NAALADL2: variants seen among roughly 807,000 people sequenced by gnomAD.
NAALADL2 encodes the protein N-acetylated alpha-linked acidic dipeptidase like 2, also known as inactive N-acetylated-alpha-linked acidic dipeptidase-like protein 2.
In NAALADL2, 76 loss-of-function variants were observed where a neutral mutation model predicts 87.2. That is an observed-to-expected ratio of 0.87 (90% CI 0.72 to 1.05). The LOEUF (loss-of-function observed/expected upper bound fraction) is 1.05. NAALADL2 is among the 50% of genes least tolerant of loss of function. The pLI is 0.00. For synonymous variants in NAALADL2, 354 were observed against 331.0 expected (o/e 1.07, Z -0.75); for missense variants, 1,089 against 945.8 (o/e 1.15, Z -1.99).
chr3:175,283,251 G>GGTC (rs1754550255), intron 4 of NAALADL2, among the ~76,000 whole-genome samples: 1 of 152,088 alleles, frequency 6.6e-6, no homozygotes, highest in African/African-American at 2.4e-5. Context: ...TTTACCGAGT[G>GGTC]ACCAGGTAGG....
At chr3:175,177,366 A>G (rs540658804) in intron 2 of NAALADL2, among the ~76,000 whole-genome samples, 1 of 152,174 alleles carries the variant, frequency 6.6e-6, no homozygotes, top group South Asian at 2.1e-4. Context: ...CTATCCTACT[A>G]TTAAAGTCAT....
At chr3:175,301,424 T>G (rs1339424440) in intron 4 of NAALADL2, among the ~76,000 whole-genome samples, 2 of 152,148 alleles carry the variant, frequency 1.3e-5, no homozygotes, top group Admixed American at 1.3e-4. Context: ...TAAAGTATAA[T>G]AAATAAATAA....
intron 1 of NAALADL2, among the ~76,000 whole-genome samples, chr3:174,937,880 C>A (rs982853684): frequency 9.9e-5 from 15 of 151,992 alleles, no homozygotes; most frequent in African/African-American, 3.6e-4. Flanking sequence ...TATAGATATA[C>A]CCTCCTCTTT....
At chr3:175,155,418 C>A (rs139461447) in intron 2 of NAALADL2, among the ~76,000 whole-genome samples, 1 of 152,110 alleles carries the variant, frequency 6.6e-6, no homozygotes, top group East Asian at 1.9e-4. Flanking sequence ...CAAAAACCAA[C>A]CTGGCTAGCA....
intron 11 of NAALADL2, among the ~76,000 whole-genome samples, chr3:175,661,517 C>T (rs926095915): frequency 3.3e-5 from 5 of 151,820 alleles, no homozygotes; most frequent in Non-Finnish European, 2.9e-5. Context: ...TTAATGTAAT[C>T]CCATTTGTTT....
chr3:174,806,322 G>T (rs1027020379), intron 3 of NAALADL2, among the ~76,000 whole-genome samples: 1 of 152,214 alleles, frequency 6.6e-6, no homozygotes, highest in African/African-American at 2.4e-5. Flanking sequence ...TCTGGAGCTA[G>T]AATGGCACTT....
intron 2 of NAALADL2, among the ~76,000 whole-genome samples, chr3:174,680,145 A>T (rs1727403023): frequency 1.5e-5 from 1 of 68,770 alleles, no homozygotes; most frequent in Non-Finnish European, 2.7e-5. Flanking sequence ...AATTTCTTTG[A>T]CAATTTCTCA....
chr3:174,848,845 T>C (rs1724925571), intron 3 of NAALADL2, among the ~76,000 whole-genome samples: 1 of 152,210 alleles, frequency 6.6e-6, no homozygotes, highest in Non-Finnish European at 1.5e-5. Flanking sequence ...ATAGAGGTTA[T>C]AGCTTACTGC....
intron 1 of NAALADL2, among the ~76,000 whole-genome samples, chr3:174,520,805 G>A (rs571081923): frequency 2.0e-5 from 3 of 152,200 alleles, no homozygotes; most frequent in African/African-American, 7.2e-5. Context: ...AGCAAATTAT[G>A]CCACCAACAA....
chr3:175,535,259 G>A (rs1288705657), intron 9 of NAALADL2, among the ~76,000 whole-genome samples: 1 of 152,116 alleles, frequency 6.6e-6, no homozygotes, highest in African/African-American at 2.4e-5. Context: ...AACATTTGTT[G>A]GATAAAAAAG....
intron 1 of NAALADL2, among the ~76,000 whole-genome samples, chr3:174,510,689 A>G (rs1052379545): frequency 6.6e-6 from 1 of 151,114 alleles, no homozygotes; most frequent in Non-Finnish European, 1.5e-5. Context: ...TCCATTTTCT[A>G]TTTCATAGAT....
At chr3:175,464,423 CA>C (rs11299560) in intron 7 of NAALADL2, among the ~76,000 whole-genome samples, 19,578 of 97,060 alleles carry the variant, frequency 0.2, 1,865 homozygotes, top group African/African-American at 0.36. Context: ...GACTCCATCT[CA>C]AAAAAAAAAA....
chr3:174,665,959 C>T (rs1048418153), intron 2 of NAALADL2, among the ~76,000 whole-genome samples: 3 of 152,142 alleles, frequency 2.0e-5, no homozygotes, highest in African/African-American at 7.2e-5. Flanking sequence ...CTTATAAGGA[C>T]AACAGTCATT....
At chr3:175,191,062 A>C (rs1318824592) in intron 2 of NAALADL2, among the ~76,000 whole-genome samples, 1 of 152,214 alleles carries the variant, frequency 6.6e-6, no homozygotes, top group South Asian at 2.1e-4. Context: ...TAACACAAGA[A>C]CTATGGTTAA....
At chr3:175,755,140 C>G (rs1171698958) in intron 12 of NAALADL2, 80 bp from the exon 13 acceptor site, 1 of 1,211,022 alleles carries the variant, frequency 8.3e-7, no homozygotes, top group African/African-American at 1.5e-5. Context: ...TGGCTTATAA[C>G]TTAGATTCCT....
chr3:175,738,549 C>CT (rs960823520), intron 12 of NAALADL2, among the ~76,000 whole-genome samples: 2 of 151,458 alleles, frequency 1.3e-5, no homozygotes, highest in Admixed American at 6.6e-5. Flanking sequence ...ACCTGGCCCC[C>CT]TTTTTTTTTC....
chr3:174,555,104 A>G (rs1408268934), intron 2 of NAALADL2, among the ~76,000 whole-genome samples: 1 of 152,190 alleles, frequency 6.6e-6, no homozygotes, highest in Non-Finnish European at 1.5e-5. Flanking sequence ...AGCTTTCTAC[A>G]TATGAATTTT....
intron 1 of NAALADL2, among the ~76,000 whole-genome samples, chr3:175,039,525 A>G (rs78757248): frequency 0.025 from 3,754 of 152,238 alleles, 164 homozygotes; most frequent in African/African-American, 0.085. Context: ...TGAGACCTGG[A>G]CAATAGGGTT....
intron 1 of NAALADL2, among the ~76,000 whole-genome samples, chr3:174,916,079 TAA>T (rs1290396092): frequency 6.6e-6 from 1 of 152,010 alleles, no homozygotes; most frequent in Admixed American, 6.6e-5. Flanking sequence ...ATACCTTTCT[TAA>T]AAGAAGGTAT....
Sources: allele counts gnomAD v4.1 joint callset (sites outside exome capture counted in the v4.1 genomes callset), GRCh38; gene constraint gnomAD v4.1.1; transcripts MANE v1.5; gene names NCBI Gene and HGNC (gene_info 2026-07-23, HGNC 2026-07-21).